Variants in FANCA observed in about 807,000 individuals in gnomAD.
FANCA encodes Fanconi anemia group A protein.
In FANCA, 236 loss-of-function variants were observed where a neutral mutation model predicts 194.3. The observed-to-expected ratio is 1.21, with a 90% confidence interval of 1.09 to 1.35. The LOEUF is 1.35. FANCA is among the 40% of genes most tolerant of loss of function. The probability of loss-of-function intolerance (pLI) is 0.00; values close to 1 mark genes in which losing one functional copy is unlikely to be tolerated. For missense variants in FANCA, 2,628 were observed against 1,813.9 expected, an observed-to-expected ratio of 1.45 and a Z score of -8.15; for synonymous variants, 1,014 against 715.8, an observed-to-expected ratio of 1.42 and a Z score of -6.65.
chr16:89,808,398 A>C (rs2040745953), intron 5 of FANCA, 31 bp from the exon 6 acceptor site: 1 of 1,606,612 alleles, frequency 6.2e-7, no homozygotes, highest in Admixed American at 1.7e-5. Context: ...AACAAAAACA[A>C]AAACAAAAAA....
chr16:89,773,708 G>A (rs556322492), intron 21 of FANCA, among the ~76,000 whole-genome samples: 3 of 151,998 alleles, frequency 2.0e-5, no homozygotes, highest in South Asian at 2.1e-4. Flanking sequence ...AAGGAGGATC[G>A]AGGGCTGGCG....
chr16:89,811,147 A>G (rs1385540544), intron 3 of FANCA, 76 bp from the exon 4 acceptor site: 3 of 1,596,094 alleles, frequency 1.9e-6, no homozygotes, highest in Non-Finnish European at 8.6e-7. Flanking sequence ...TGCTGTTTAA[A>G]ATGCCTTATT....
At chr16:89,806,928 G>A (rs922616212) in intron 6 of FANCA, among the ~76,000 whole-genome samples, 3 of 152,136 alleles carry the variant, frequency 2.0e-5, no homozygotes, top group Non-Finnish European at 4.4e-5. Context: ...ATGGGCGGCC[G>A]GGCAGAGGCG....
At chr16:89,755,748 A>G (rs1352051698) in intron 30 of FANCA, among the ~76,000 whole-genome samples, 1 of 152,264 alleles carries the variant, frequency 6.6e-6, no homozygotes, top group Non-Finnish European at 1.5e-5. Flanking sequence ...GAACTGCTCA[A>G]TGACAAGGAT....
chr16:89,764,678 T>A, intron 28 of FANCA: 2 of 658,660 alleles, frequency 3.0e-6, no homozygotes, highest in South Asian at 3.0e-5. Context: ...ACCATCTAAG[T>A]GCTGCTGTTC....
intron 21 of FANCA, among the ~76,000 whole-genome samples, chr16:89,775,048 C>T (rs1209170973): frequency 3.3e-5 from 5 of 151,678 alleles, no homozygotes; most frequent in Non-Finnish European, 7.4e-5. Context: ...GAGCCAAAAT[C>T]GCGCCACTGC....
Position 89,761,892 on chromosome 16 carries a change from T to G in FANCA, c.2852+57A>C. On this transcript the variant is annotated intron_variant, in intron 29 of 42. Transcript: ENST00000389301. ...CTCCTGCCTCAGCCTCCCAAAGTGC[T>G]GGGATTATAGGTGTGAGCCATCATG... 13 of 1,410,826 alleles carry G rather than the reference T, an allele frequency of 9.2e-6. No homozygotes were observed. The South Asian group carries it at 1.5e-4, about 16-fold the overall frequency. The allele number at this position is 1,410,826 out of a possible 1,614,324, so 87.4% of individuals were successfully genotyped here. A position where few individuals can be genotyped will look rare whatever the true frequency, so the allele number is the denominator to read the frequency against.
chr16:89,805,916 C>CT (rs910788164), intron 6 of FANCA, among the ~76,000 whole-genome samples: 75 of 149,284 alleles, frequency 5.0e-4, no homozygotes, highest in Non-Finnish European at 8.3e-4. Flanking sequence ...TGGCCTGAAC[C>CT]TTTTTTTTTT....
chr16:89,758,905 T>C (rs903107131), intron 29 of FANCA, among the ~76,000 whole-genome samples, 200 bp from the exon 30 acceptor site: 2 of 152,086 alleles, frequency 1.3e-5, no homozygotes, highest in Non-Finnish European at 2.9e-5. Context: ...AAAGGCCTGG[T>C]CTCAGGAGTG....
chr16:89,739,342 G>C (rs2062062364), intron 40 of FANCA, 53 bp from the exon 41 acceptor site: 1 of 1,608,850 alleles, frequency 6.2e-7, no homozygotes, highest in Admixed American at 1.7e-5. Flanking sequence ...AAAGGTAGCA[G>C]GTGATGCCAA....
chr16:89,793,297 T>G (rs2040139702), intron 11 of FANCA, among the ~76,000 whole-genome samples: 1 of 152,162 alleles, frequency 6.6e-6, no homozygotes, highest in Non-Finnish European at 1.5e-5. Flanking sequence ...CAAGGAGCCC[T>G]CTGGTGGCCC....
chr16:89,779,656 C>T (rs1203683655), intron 18 of FANCA, among the ~76,000 whole-genome samples: 1 of 152,238 alleles, frequency 6.6e-6, no homozygotes, highest in Admixed American at 6.5e-5. Context: ...GCCCTGACTC[C>T]TGTCTCTCTC....
At chr16:89,749,939 G>C in intron 31 of FANCA, 37 bp from the exon 32 acceptor site, 2 of 1,611,200 alleles carry the variant, frequency 1.2e-6, no homozygotes, top group South Asian at 1.1e-5. Flanking sequence ...GGAAGGCCTC[G>C]GGGCTCACTG....
intron 11 of FANCA, among the ~76,000 whole-genome samples, chr16:89,793,251 C>T (rs757376407): frequency 2.6e-5 from 4 of 152,114 alleles, no homozygotes; most frequent in Non-Finnish European, 5.9e-5. Flanking sequence ...CGCTTGGTGA[C>T]GGGCGTCTTC....
chr16:89,739,908 C>G, intron 39 of FANCA, 86 bp downstream of exon 39: 3 of 1,589,362 alleles, frequency 1.9e-6, no homozygotes, highest in Non-Finnish European at 1.7e-6. Flanking sequence ...CAAGGAACCT[C>G]AAGGAGGGCT....
chr16:89,771,671 C>A lies in FANCA; in HGVS notation c.2151+7G>T. ...CCCCCTGCTTTGTTCTGAGCCCCTACACCTACCATGTGTTCCCGTGGCTCC... is the reference window on the plus strand; with the variant it reads ...CCCCCTGCTTTGTTCTGAGCCCCTAAACCTACCATGTGTTCCCGTGGCTCC... On this transcript the variant is annotated splice_region_variant and intron_variant, in intron 23 of 42. Transcript: ENST00000389301. 6.2e-7 allele frequency: 1 copy of A among 1,614,104 alleles called. No homozygotes were observed. Among genetic ancestry groups the A allele is most frequent in the Non-Finnish European group, 8.5e-7 (1 of 1,180,000 alleles).
rs572404663 is a variant in FANCA, at chr16:89,749,876, C to T, written c.3093G>A (p.Gln1031=). The part of the protein sequence containing the change: ...LQEMVADLEL[Q]QDLIVPLGHT... ...GGCCGAGAGGCACTATGAGGTCTTG[C>T]TGCAGCTCCAGGTCAGCTACCATCT... The change falls in exon 32 of 43, where the codon CAG becomes CAA. Residue 1031 remains glutamine, a synonymous_variant. Transcript: ENST00000389301. 1 of 1,614,186 alleles carries T rather than the reference C, an allele frequency of 6.2e-7. No individual in the cohort carries two copies. Among genetic ancestry groups the T allele is most frequent in the South Asian group, 1.1e-5 (1 of 91,088 alleles).
chr16:89,756,069 G>A lies in FANCA; in HGVS notation c.2981+2508C>T, dbSNP rs184274273. On this transcript the variant is annotated intron_variant, in intron 30 of 42. Transcript: ENST00000389301. Reference sequence around the variant, plus strand: ...TGTATCTAAACATAGAAAAGGTACGGTAAAAACACAGTTTAAAAAAAAGGT... The same window carrying A: ...TGTATCTAAACATAGAAAAGGTACGATAAAAACACAGTTTAAAAAAAAGGT... Among the ~76,000 whole-genome samples the A allele has an allele frequency of 4.6e-4, 70 of 152,298 alleles. No individual in the cohort carries two copies. The East Asian group carries it at 0.011, about 24-fold the overall frequency.
chr16:89,788,869 C>T (rs1248793849), intron 14 of FANCA, among the ~76,000 whole-genome samples: 1 of 152,140 alleles, frequency 6.6e-6, no homozygotes, highest in Non-Finnish European at 1.5e-5. Flanking sequence ...TTCATTATTT[C>T]ATTTAAACTA....
Sources: gnomAD v4.1 joint callset for allele counts (sites outside exome capture counted in the v4.1 genomes callset) on GRCh38, gnomAD v4.1.1 for gene constraint, MANE v1.5 for transcripts, NCBI Gene and HGNC (gene_info 2026-07-23, HGNC 2026-07-21) for gene names.